CNTNAP5: variants seen among roughly 807,000 people sequenced by gnomAD.
CNTNAP5 encodes contactin-associated protein-like 5.
CNTNAP5 carries 72 observed loss-of-function variants against 150.2 expected under a neutral mutation model. The ratio of observed to expected loss-of-function variants is 0.48; its 90% CI spans 0.40 to 0.58. The LOEUF (loss-of-function observed/expected upper bound fraction) is 0.58, where lower values mean the gene tolerates loss of function less well. Among genes scored for constraint, CNTNAP5 ranks in the 20% least tolerant of loss-of-function variants. The pLI is 0.00. For synonymous variants in CNTNAP5, 672 were observed against 619.8 expected (o/e 1.08, Z -1.25); for missense variants, 1,636 against 1,626.2 (o/e 1.01, Z -0.10).
chr2:124,094,007 G>T (rs1481407673), intron 1 of CNTNAP5, among the ~76,000 whole-genome samples: 2 of 152,180 alleles, frequency 1.3e-5, no homozygotes, highest in Non-Finnish European at 2.9e-5. Context: ...AGAGCTAATG[G>T]ATGGCAAATA....
At chr2:124,646,155 A>G (rs1160954123) in intron 12 of CNTNAP5, among the ~76,000 whole-genome samples, 2 of 151,978 alleles carry the variant, frequency 1.3e-5, no homozygotes, top group East Asian at 3.9e-4. Context: ...TTAAAATCAT[A>G]CTCTCTTTTT....
chr2:124,377,698 A>AT (rs1018832903), intron 3 of CNTNAP5, among the ~76,000 whole-genome samples: 18 of 150,486 alleles, frequency 1.2e-4, no homozygotes, highest in African/African-American at 4.4e-4. Context: ...AAAAAGAAAA[A>AT]AAAATAAATG....
intron 3 of CNTNAP5, among the ~76,000 whole-genome samples, chr2:124,328,024 C>T (rs1315956463): frequency 6.6e-6 from 1 of 151,854 alleles, no homozygotes; most frequent in Non-Finnish European, 1.5e-5. Flanking sequence ...ATAGAATGTG[C>T]TCAAAATTGA....
chr2:124,712,924 T>G (rs1434164206), intron 13 of CNTNAP5, among the ~76,000 whole-genome samples: 2 of 152,100 alleles, frequency 1.3e-5, no homozygotes, highest in Non-Finnish European at 2.9e-5. Context: ...CAGGCCTCTT[T>G]TATAAAGGGC....
rs559599045 is a variant in CNTNAP5, at chr2:124,055,026, A to G, written c.82+29294A>G. Among the ~76,000 whole-genome samples, 62 of 152,198 alleles carry G rather than the reference A, an allele frequency of 4.1e-4. 1 individual carries two copies. Among genetic ancestry groups the G allele is most frequent in the African/African-American group, 1.3e-3 (54 of 41,512 alleles). Reference sequence around the variant, plus strand: ...CTGGGCTCTCACCCCTCTGCTTCCTATCTGAGTTTCCTTAGCCAAAATGGG... The same window carrying G: ...CTGGGCTCTCACCCCTCTGCTTCCTGTCTGAGTTTCCTTAGCCAAAATGGG... On this transcript the variant is annotated intron_variant, in intron 1 of 23. Transcript: ENST00000682447.
intron 13 of CNTNAP5, among the ~76,000 whole-genome samples, chr2:124,711,143 C>A (rs1024418609): frequency 1.3e-5 from 2 of 151,878 alleles, no homozygotes; most frequent in African/African-American, 4.8e-5. Context: ...TGGTGGCACG[C>A]ACCTGTAATC....
At position 124,434,622 on chromosome 2, in the gene CNTNAP5, G is replaced by A. The variant is rs369516146; in HGVS notation, c.668G>A (p.Gly223Asp). Residue 223 changes from glycine to aspartate, a missense_variant, in exon 5 of 24, where the codon GGT (glycine) becomes GAT (aspartate). Gly to Asp is a moderately conservative substitution (Grantham distance 94, BLOSUM62 -1). Coordinates refer to ENST00000682447, the MANE Select transcript of CNTNAP5 (RefSeq NM_001367498.1). ...QGDGVLFHGE[G>D]QRGDHITLEL... is the part of the protein sequence containing the mutation. ...GATGGGGTCCTGTTCCATGGAGAAG[G>A]TCAGCGTGGAGACCACATCACCTTG... is the stretch of plus-strand genomic sequence containing the variant. 1 of 1,613,884 alleles carries A rather than the reference G, an allele frequency of 6.2e-7. No individual in the cohort carries two copies. The highest frequency in any genetic ancestry group is 8.5e-7 in the Non-Finnish European group (1 of 1,179,834).
At chr2:124,815,049 T>C (rs748331884) in intron 19 of CNTNAP5, among the ~76,000 whole-genome samples, 2 of 152,126 alleles carry the variant, frequency 1.3e-5, no homozygotes, top group Non-Finnish European at 2.9e-5. Context: ...AGCACAACAA[T>C]GAAAATCAAA....
Position 124,763,763 on chromosome 2 carries a change from G to A in CNTNAP5, c.2326G>A (p.Ala776Thr), listed in dbSNP as rs770015217. The change falls in exon 15 of 24, where the codon GCT (alanine) becomes ACT (threonine). Residue 776 changes from alanine to threonine, a missense_variant. Transcript: ENST00000682447. ...TACCGACAGATCAAACTCAGAAGCC[G>A]CTTGGAGAATTGGTCCCTTGCGTTG... ...TDTDRSNSEAAWRIGPLRCYG... is the reference protein window; with the variant it reads ...TDTDRSNSEATWRIGPLRCYG... The A allele has an allele frequency of 6.2e-6, 10 of 1,612,918 alleles. No individual in the cohort carries two copies. Among genetic ancestry groups the A allele is most frequent in the African/African-American group, 1.3e-5 (1 of 74,870 alleles).
In CNTNAP5 at chr2:124,639,464, C is replaced by T. The variant is rs9653398; in HGVS notation, c.1877-8294C>T. Among the ~76,000 whole-genome samples the T allele has an allele frequency of 1.2e-3, 177 of 152,202 alleles. 1 individual carries two copies. Among genetic ancestry groups the T allele is most frequent in the East Asian group, 3.1e-3 (16 of 5,156 alleles). On this transcript the variant is annotated intron_variant, in intron 12 of 23. Transcript: ENST00000682447. ...TAGATGCTCTCACCCTTAGAGAAGG[C>T]GTCTCTTCTTTTCTGACCCGGTACA...
chr2:124,232,401 C>T (rs1352653770), intron 2 of CNTNAP5, among the ~76,000 whole-genome samples: 4 of 152,138 alleles, frequency 2.6e-5, no homozygotes, highest in Non-Finnish European at 4.4e-5. Flanking sequence ...TTGTTGGATA[C>T]TGGAGTCTTC....
chr2:124,565,846 G>A (rs958737871), intron 11 of CNTNAP5, among the ~76,000 whole-genome samples: 4 of 151,842 alleles, frequency 2.6e-5, no homozygotes, highest in Non-Finnish European at 4.4e-5. Flanking sequence ...TGATCCTCCC[G>A]CCTTGGCCTC....
At chr2:124,043,033 A>G (rs1241262812) in intron 1 of CNTNAP5, among the ~76,000 whole-genome samples, 2 of 152,172 alleles carry the variant, frequency 1.3e-5, no homozygotes, top group African/African-American at 2.4e-5. Flanking sequence ...TCAATTTTTA[A>G]CATCAATTAC....
intron 12 of CNTNAP5, among the ~76,000 whole-genome samples, chr2:124,632,588 A>C (rs1677887251): frequency 6.6e-6 from 1 of 152,034 alleles, no homozygotes; most frequent in Non-Finnish European, 1.5e-5. Flanking sequence ...TAGGGGAAAA[A>C]TCTAATTCGT....
rs1049747309 is a variant in CNTNAP5, at chr2:124,555,388, C to T, written c.1650-7829C>T. ...GTGGTGGAGCACTTTGGCCTCTATG[C>T]GTGGAAGCTCAGACAAGGTCTCCAT... On this transcript the variant is annotated intron_variant, in intron 10 of 23. Transcript: ENST00000682447. Among the ~76,000 whole-genome samples the T allele has an allele frequency of 5.3e-5, 8 of 152,134 alleles. No individual in the cohort carries two copies. In the East Asian group the frequency reaches 9.6e-4, roughly 18 times the overall value.
chr2:124,671,066 C>T (rs1024304743), intron 13 of CNTNAP5, among the ~76,000 whole-genome samples: 3 of 152,108 alleles, frequency 2.0e-5, no homozygotes, highest in African/African-American at 7.2e-5. Flanking sequence ...TTCAGCCTGT[C>T]GCCACGGGCC....
intron 1 of CNTNAP5, among the ~76,000 whole-genome samples, chr2:124,206,103 G>A (rs1448043547): frequency 6.6e-6 from 1 of 152,186 alleles, no homozygotes; most frequent in African/African-American, 2.4e-5. Context: ...GAATAGAATG[G>A]ATCAACCAAG....
intron 19 of CNTNAP5, among the ~76,000 whole-genome samples, chr2:124,801,041 C>T (rs1681955774): frequency 6.6e-6 from 1 of 152,144 alleles, no homozygotes; most frequent in Admixed American, 6.5e-5. Context: ...CAGCTTGGAA[C>T]ACCCCCACCA....
intron 1 of CNTNAP5, among the ~76,000 whole-genome samples, chr2:124,037,004 T>A (rs1681240426): frequency 6.6e-6 from 1 of 152,226 alleles, no homozygotes; most frequent in Admixed American, 6.5e-5. Context: ...TCTTTCCCTA[T>A]AATCCAGGGT....
Sources: allele counts gnomAD v4.1 joint callset (sites outside exome capture counted in the v4.1 genomes callset), GRCh38; gene constraint gnomAD v4.1.1; transcripts MANE v1.5; gene names NCBI Gene and HGNC (gene_info 2026-07-23, HGNC 2026-07-21).